The following ASTN2 variants were observed in gnomAD, a reference collection of about 807,000 sequenced individuals.
ASTN2 encodes the protein astrotactin-2.
ASTN2 carries 54 observed loss-of-function variants against 139.8 expected under a neutral mutation model. The observed-to-expected ratio is 0.39, with a 90% CI of 0.31 to 0.48. The LOEUF is 0.48. Among genes scored for constraint, ASTN2 ranks in the 20% least tolerant of loss-of-function variants. The pLI is 0.95. For missense variants in ASTN2, 1,565 were observed against 1,725.1 expected (o/e 0.91, Z 1.64); for synonymous variants, 756 against 719.5 (o/e 1.05, Z -0.81).
At chr9:116,724,861 GA>G (rs1432085794) in intron 16 of ASTN2, among the ~76,000 whole-genome samples, 1 of 152,190 alleles carries the variant, frequency 6.6e-6, no homozygotes, top group African/African-American at 2.4e-5. Flanking sequence ...ATAGTTGAAA[GA>G]GGGAAAGAAC....
At chr9:116,548,411 C>T (rs547074002) in intron 19 of ASTN2, among the ~76,000 whole-genome samples, 5 of 152,316 alleles carry the variant, frequency 3.3e-5, no homozygotes, top group Admixed American at 1.3e-4. Context: ...GCAGCTGCTT[C>T]TATGTCAGTA....
rs144427282 is a variant in ASTN2 at position 116,576,067 on chromosome 9, C to T, written c.3355+42257G>A. ...ACCCAAAAGGTTATTGAGCGCCCCA[C>T]CCCTCTATTTGCATTTGGGTGCCAT... On this transcript the variant is annotated intron_variant, in intron 19 of 22. Coordinates refer to ENST00000313400, the MANE Select transcript of ASTN2 (RefSeq NM_001365068.1). 4.6e-3 allele frequency among the ~76,000 whole-genome samples: 695 copies of T among 152,234 alleles called. 4 individuals are homozygous for T. Among genetic ancestry groups the T allele is most frequent in the African/African-American group, 0.016 (661 of 41,534 alleles).
intron 1 of ASTN2, among the ~76,000 whole-genome samples, chr9:117,316,079 G>A (rs1447585298): frequency 6.6e-6 from 1 of 152,178 alleles, no homozygotes; most frequent in African/African-American, 2.4e-5. Context: ...TAAAGTGCTC[G>A]AAGATTTGAC....
intron 1 of ASTN2, among the ~76,000 whole-genome samples, chr9:117,372,485 C>T (rs1564171750): frequency 1.3e-5 from 2 of 152,268 alleles, no homozygotes; most frequent in East Asian, 1.9e-4. Context: ...GCTTCAAATG[C>T]TAATGCTGCT....
intron 3 of ASTN2, among the ~76,000 whole-genome samples, chr9:117,151,895 C>T (rs1257714828): frequency 6.6e-6 from 1 of 152,176 alleles, no homozygotes; most frequent in African/African-American, 2.4e-5. Context: ...CATAGCCCTA[C>T]TGCCTGGCCC....
chr9:117,239,152 C>G (rs35623509), intron 2 of ASTN2, among the ~76,000 whole-genome samples: 32,293 of 152,098 alleles, frequency 0.21, 4,055 homozygotes, highest in Middle Eastern at 0.28. Context: ...TTTGGGGAAC[C>G]AAGAGGCCCT....
intron 10 of ASTN2, among the ~76,000 whole-genome samples, chr9:116,905,158 G>A (rs1834120975): frequency 1.3e-5 from 2 of 152,038 alleles, no homozygotes; most frequent in African/African-American, 4.8e-5. Context: ...ACTTCTGGAG[G>A]GGCCGCGGGT....
chr9:117,083,775 C>T (rs1034878030), intron 5 of ASTN2, among the ~76,000 whole-genome samples: 5 of 152,260 alleles, frequency 3.3e-5, no homozygotes, highest in East Asian at 1.9e-4. Flanking sequence ...TTTGCTTTAT[C>T]GCCTTTGGTC....
intron 2 of ASTN2, among the ~76,000 whole-genome samples, chr9:117,256,991 G>C (rs1036667769): frequency 2.6e-5 from 4 of 151,864 alleles, no homozygotes; most frequent in African/African-American, 9.7e-5. Flanking sequence ...GGAGACAGAA[G>C]AAGACTTGGA....
At position 116,503,953 on chromosome 9, in the gene ASTN2, T is replaced by G. The variant is rs376929314; in HGVS notation, c.3356-16453A>C. Among the ~76,000 whole-genome samples the G allele has an allele frequency of 1.7e-4, 26 of 152,226 alleles. No individual in the cohort carries two copies. The East Asian group carries it at 2.9e-3, about 17-fold the overall frequency. ...GTCCATATCACAGTTCTGCTCTCCA[T>G]AGTCCCAAAGCTGACTTCATGAACT... On this transcript the variant is annotated intron_variant, in intron 19 of 22. Coordinates refer to ENST00000313400, the MANE Select transcript of ASTN2 (RefSeq NM_001365068.1).
rs1015187543 is a variant in ASTN2 at position 117,085,538 on chromosome 9, C to T, written c.1276+10506G>A. On this transcript the variant is annotated intron_variant, in intron 5 of 22. Coordinates refer to ENST00000313400, the MANE Select transcript of ASTN2 (RefSeq NM_001365068.1). The stretch of plus-strand genomic sequence containing the variant: ...AGCACTGGAAGTCATCCTTGTCATA[C>T]GTTTTCCTACCTGACCAAATACCAG... Among the ~76,000 whole-genome samples, 6 of 152,166 alleles carry T rather than the reference C, an allele frequency of 3.9e-5. 1 individual carries two copies. Among genetic ancestry groups the T allele is most frequent in the Admixed American group, 6.5e-5 (1 of 15,290 alleles).
intron 5 of ASTN2, among the ~76,000 whole-genome samples, chr9:117,075,394 C>G (rs1229733681): frequency 6.6e-6 from 1 of 151,978 alleles, no homozygotes; most frequent in East Asian, 1.9e-4. Flanking sequence ...AAGAGTCAAG[C>G]CCTCTCAGAT....
intron 6 of ASTN2, among the ~76,000 whole-genome samples, chr9:117,019,086 G>A (rs894704763): frequency 1.3e-5 from 2 of 151,432 alleles, no homozygotes; most frequent in Non-Finnish European, 2.9e-5. Flanking sequence ...TTTCTTTTTC[G>A]CTTCTGTCAA....
At chr9:116,816,373 T>C (rs1332749806) in intron 12 of ASTN2, among the ~76,000 whole-genome samples, 1 of 152,174 alleles carries the variant, frequency 6.6e-6, no homozygotes, top group African/African-American at 2.4e-5. Flanking sequence ...TATCTTGAAT[T>C]CACCTGCTTC....
chr9:116,493,106 C>T (rs1289879265), intron 19 of ASTN2, among the ~76,000 whole-genome samples: 1 of 152,114 alleles, frequency 6.6e-6, no homozygotes, highest in Non-Finnish European at 1.5e-5. Context: ...AATACAGAGG[C>T]TTGGGAATGC....
rs1213244800 is a variant in ASTN2, at chr9:116,443,940, C to A, written c.3498-1387G>T. Among the ~76,000 whole-genome samples, 4 of 152,098 alleles carry A rather than the reference C, an allele frequency of 2.6e-5. No homozygotes were observed. In the East Asian group the frequency reaches 7.7e-4, roughly 29 times the overall value. ...GATTAGCAAGTTTCAGAATGCTGAG[C>A]CCTGATTGGCCATACATACTTGTAC... On this transcript the variant is annotated intron_variant, in intron 20 of 22. Coordinates refer to ENST00000313400, the MANE Select transcript of ASTN2 (RefSeq NM_001365068.1).
intron 7 of ASTN2, among the ~76,000 whole-genome samples, chr9:116,999,236 G>C (rs1460580798): frequency 1.3e-5 from 2 of 152,140 alleles, no homozygotes; most frequent in Non-Finnish European, 2.9e-5. Context: ...TTTGAGCGGA[G>C]AATATCCTAG....
chr9:117,308,126 G>A (rs1322094899), intron 1 of ASTN2, among the ~76,000 whole-genome samples: 1 of 152,146 alleles, frequency 6.6e-6, no homozygotes, highest in African/African-American at 2.4e-5. Context: ...AGGCGGCCCA[G>A]TGACCTTCCT....
chr9:117,064,321 G>T (rs1008132139), intron 5 of ASTN2, among the ~76,000 whole-genome samples: 22 of 152,056 alleles, frequency 1.4e-4, no homozygotes, highest in Admixed American at 1.0e-3. Flanking sequence ...TATCTACTGG[G>T]TGTCACAGTC....
Sources: gnomAD v4.1 joint callset for allele counts (sites outside exome capture counted in the v4.1 genomes callset) on GRCh38, gnomAD v4.1.1 for gene constraint, MANE v1.5 for transcripts, NCBI Gene and HGNC (gene_info 2026-07-23, HGNC 2026-07-21) for gene names.